APBA1: variants seen among roughly 807,000 people sequenced by gnomAD.
APBA1 encodes amyloid beta precursor protein binding family A member 1.
A neutral mutation model predicts 86.6 loss-of-function variants in APBA1; 55 were observed. The ratio of observed to expected loss-of-function variants is 0.64; its 90% CI spans 0.51 to 0.80. APBA1 has a LOEUF of 0.80. Among genes scored for constraint, APBA1 ranks in the 30% least tolerant of loss-of-function variants. APBA1 has a pLI of 0.00. For missense variants in APBA1, 1,090 were observed against 1,183.0 expected (o/e 0.92, Z 1.15); for synonymous variants, 511 against 493.9 (o/e 1.03, Z -0.46).
intron 1 of APBA1, among the ~76,000 whole-genome samples, chr9:69,597,166 C>A (rs1206849378): frequency 6.6e-6 from 1 of 152,236 alleles, no homozygotes; most frequent in East Asian, 1.9e-4. Context: ...TCCACATCCT[C>A]TCCAGCACCT....
chr9:69,528,421 C>T (rs576101970), intron 1 of APBA1, among the ~76,000 whole-genome samples: 1 of 152,092 alleles, frequency 6.6e-6, no homozygotes, highest in Admixed American at 6.6e-5. Flanking sequence ...CAATAAAATA[C>T]ATGAAATAAG....
chr9:69,662,124 T>C (rs1230495228), intron 1 of APBA1, among the ~76,000 whole-genome samples: 2 of 151,760 alleles, frequency 1.3e-5, no homozygotes, highest in Admixed American at 1.3e-4. Context: ...GATGGGAAGC[T>C]ACTGCTGGGC....
chr9:69,603,954 ACAG>A (rs1822407124), intron 1 of APBA1, among the ~76,000 whole-genome samples: 2 of 152,254 alleles, frequency 1.3e-5, no homozygotes, highest in African/African-American at 4.8e-5. Context: ...GCAATATTAC[ACAG>A]TAGAAAATGC....
chr9:69,499,995 A>G lies in APBA1; in HGVS notation c.1200+16016T>C, dbSNP rs531459149. Among the ~76,000 whole-genome samples, 52 of 152,240 alleles carry G rather than the reference A, an allele frequency of 3.4e-4. 1 individual carries two copies. In the South Asian group the frequency reaches 0.01, roughly 30 times the overall value. Reference sequence around the variant, plus strand: ...CTCTGAAATCAGGAGTAGAATGCCAATAAAAGGTAAATGTTATCTGGAGGG... The same window carrying G: ...CTCTGAAATCAGGAGTAGAATGCCAGTAAAAGGTAAATGTTATCTGGAGGG... On this transcript the variant is annotated intron_variant, in intron 2 of 12. Transcript: ENST00000265381.
intron 1 of APBA1, among the ~76,000 whole-genome samples, chr9:69,540,503 T>A (rs1336635930): frequency 6.6e-6 from 1 of 152,124 alleles, no homozygotes; most frequent in African/African-American, 2.4e-5. Flanking sequence ...AACCAAAACT[T>A]TATACCTGTT....
At chr9:69,437,475 G>A (rs528306124) in intron 11 of APBA1, among the ~76,000 whole-genome samples, 1 of 124,388 alleles carries the variant, frequency 8.0e-6, no homozygotes, top group South Asian at 3.1e-4. Flanking sequence ...GGTCTATTCA[G>A]AGATTCAACT....
chr9:69,602,427 TG>T, intron 1 of APBA1, among the ~76,000 whole-genome samples: 1 of 152,026 alleles, frequency 6.6e-6, no homozygotes, highest in East Asian at 1.9e-4. Flanking sequence ...AACAATTAGC[TG>T]GGCATGGTGG....
At position 69,636,914 on chromosome 9, in the gene APBA1, G is replaced by GGAAGGAAGGAAA. The variant is rs1325697349; in HGVS notation, c.-70+35227_-70+35238dup. Among the ~76,000 whole-genome samples, 180 of 98,736 alleles carry GGAAGGAAGGAAA rather than the reference G, an allele frequency of 1.8e-3. 5 individuals are homozygous for GGAAGGAAGGAAA. The highest frequency in any genetic ancestry group is 2.3e-3 in the Non-Finnish European group (112 of 47,708). The allele number at this position is 98,736 out of a possible 152,430, so 64.8% of individuals were successfully genotyped here. ...AAGAAGGAAGGAAGGAAGGAAGGAAGGAAGGAAGGAAAGAAAGAAAGAAAG... is the reference window on the plus strand; with the variant it reads ...AAGAAGGAAGGAAGGAAGGAAGGAAGGAAGGAAGGAAAGAAGGAAGGAAAGAAAGAAAGAAAG... On this transcript the variant is annotated intron_variant, in intron 1 of 12. Transcript: ENST00000265381.
chr9:69,467,079 G>A (rs1232019769), intron 5 of APBA1, among the ~76,000 whole-genome samples: 2 of 152,198 alleles, frequency 1.3e-5, no homozygotes, highest in Non-Finnish European at 2.9e-5. Flanking sequence ...TGTTCCTGGA[G>A]TCCTGGTTTG....
chr9:69,550,516 G>A (rs1355658898), intron 1 of APBA1, among the ~76,000 whole-genome samples: 16 of 152,142 alleles, frequency 1.1e-4, no homozygotes, highest in Admixed American at 1.0e-3. Context: ...TTATGGTAGA[G>A]GGTTGGAGCA....
At chr9:69,569,424 A>C (rs1327626253) in intron 1 of APBA1, among the ~76,000 whole-genome samples, 1 of 150,414 alleles carries the variant, frequency 6.6e-6, no homozygotes. Flanking sequence ...TGATATATGG[A>C]GACATTTTTG....
intron 1 of APBA1, among the ~76,000 whole-genome samples, chr9:69,533,126 C>T (rs1836458076): frequency 1.3e-5 from 2 of 152,122 alleles, no homozygotes; most frequent in South Asian, 4.1e-4. Context: ...CTGCCCTGAT[C>T]CATTAAAGCT....
At chr9:69,435,135 T>C (rs1470711938) in intron 11 of APBA1, among the ~76,000 whole-genome samples, 2 of 152,064 alleles carry the variant, frequency 1.3e-5, no homozygotes, top group Non-Finnish European at 2.9e-5. Flanking sequence ...CATCCTTTTT[T>C]ATGGCTGCAT....
intron 2 of APBA1, among the ~76,000 whole-genome samples, chr9:69,511,192 C>T (rs62567204): frequency 0.15 from 22,852 of 151,988 alleles, 2,280 homozygotes; most frequent in East Asian, 0.28. Flanking sequence ...GGGCTAATAT[C>T]CAGAATCTAC....
chr9:69,468,078 A>ATGG, intron 4 of APBA1, 110 bp from the exon 5 acceptor site: 2 of 1,311,798 alleles, frequency 1.5e-6, no homozygotes, highest in South Asian at 1.3e-5. Context: ...CAGGTGAGGC[A>ATGG]GAGCCAACCT....
chr9:69,466,140 T>C (rs1619631), intron 5 of APBA1, among the ~76,000 whole-genome samples: 80,775 of 151,862 alleles, frequency 0.53, 23,017 homozygotes, highest in African/African-American at 0.74. Flanking sequence ...AGAAGCATTT[T>C]CTCCAAGTAC....
intron 1 of APBA1, among the ~76,000 whole-genome samples, chr9:69,634,182 C>T (rs1374515128): frequency 6.6e-6 from 1 of 152,194 alleles, no homozygotes; most frequent in East Asian, 1.9e-4. Context: ...CCTCCTCCAT[C>T]CCCTGGCAAC....
In APBA1 at chr9:69,572,249, C is replaced by T. The variant is rs113107446; in HGVS notation, c.-69-54970G>A. Among the ~76,000 whole-genome samples the T allele has an allele frequency of 8.5e-3, 1,298 of 152,204 alleles. 17 individuals are homozygous for T. The highest frequency in any genetic ancestry group is 0.029 in the African/African-American group (1,224 of 41,534). ...CTGATGCTCTCCCAACGTGTGCCGT[C>T]CCCCCTGACAGGCCCCAGTGTGTGT... On this transcript the variant is annotated intron_variant, in intron 1 of 12. Coordinates refer to ENST00000265381, the MANE Select transcript of APBA1 (RefSeq NM_001163.4).
intron 1 of APBA1, among the ~76,000 whole-genome samples, chr9:69,658,310 CTTTCTTTCTTTCTTTCTT>C (rs1564105063): frequency 0.032 from 1,950 of 61,840 alleles, 93 homozygotes; most frequent in African/African-American, 0.088. Flanking sequence ...CTCTCTCTTT[CTTTCTTTCTTTCTTTCTT>C]TCTTTCTTTC....
Sources: gnomAD v4.1 joint callset for allele counts (sites outside exome capture counted in the v4.1 genomes callset) on GRCh38, gnomAD v4.1.1 for gene constraint, MANE v1.5 for transcripts, NCBI Gene and HGNC (gene_info 2026-07-23, HGNC 2026-07-21) for gene names.